The following NIPBL variants were observed in gnomAD, a reference collection of about 807,000 sequenced individuals.
NIPBL encodes NIPBL cohesin loading factor, also known as nipped-B-like protein.
In NIPBL, 19 loss-of-function variants were observed where a neutral mutation model predicts 321.8. The observed-to-expected ratio is 0.06, with a 90% confidence interval of 0.04 to 0.09. The LOEUF is 0.09. Among genes scored for constraint, NIPBL ranks in the 10% least tolerant of loss-of-function variants. The probability of loss-of-function intolerance (pLI) is 1.00; values close to 1 mark genes in which losing one functional copy is unlikely to be tolerated. For missense variants in NIPBL, 2,210 were observed against 3,327.0 expected (o/e 0.66, Z 8.26); for synonymous variants, 1,106 against 1,114.1 (o/e 0.99, Z 0.14).
Position 36,960,242 on chromosome 5 carries a change from G to A in NIPBL, c.359-1242G>A, listed in dbSNP as rs113551420. On this transcript the variant is annotated intron_variant, in intron 4 of 46. Coordinates refer to ENST00000282516, the MANE Select transcript of NIPBL (RefSeq NM_133433.4). Reference sequence around the variant, plus strand: ...AGGACTGTTAGAATTTCATTTACCCGTTTTATTTAGAAAGCCATTGCTTTC... The same window carrying A: ...AGGACTGTTAGAATTTCATTTACCCATTTTATTTAGAAAGCCATTGCTTTC... Among the ~76,000 whole-genome samples, 54 of 151,846 alleles carry A rather than the reference G, an allele frequency of 3.6e-4. 1 individual carries two copies. The highest frequency in any genetic ancestry group is 1.1e-3 in the African/African-American group (44 of 41,420).
chr5:37,038,702 A>C lies in NIPBL; in HGVS notation c.6072A>C (p.Ala2024=). Residue 2024 remains alanine, a synonymous_variant, in exon 34 of 47, where the codon GCA becomes GCC. Coordinates refer to ENST00000282516, the MANE Select transcript of NIPBL (RefSeq NM_133433.4). ...KIRPQLMVKH[A]MTMQPYLTTK... ...GACCCCAGCTCATGGTTAAACATGCAATGACTATGCAACCATACCTTACCA... is the reference window on the plus strand; with the variant it reads ...GACCCCAGCTCATGGTTAAACATGCCATGACTATGCAACCATACCTTACCA... The C allele has an allele frequency of 6.2e-7, 1 of 1,613,790 alleles. No individual in the cohort carries two copies. The highest frequency in any genetic ancestry group is 8.5e-7 in the Non-Finnish European group (1 of 1,179,882).
chr5:37,011,236 T>G (rs748185406), intron 21 of NIPBL, among the ~76,000 whole-genome samples: 4 of 152,184 alleles, frequency 2.6e-5, no homozygotes, highest in African/African-American at 4.8e-5. Flanking sequence ...TGTATCTTTT[T>G]GGGAATAATA....
Position 36,996,504 on chromosome 5 carries a change from A to G in NIPBL, c.3304+700A>G. On this transcript the variant is annotated intron_variant, in intron 11 of 46. Transcript: ENST00000282516. The surrounding 1 kb of genome is among the most constrained non-coding windows in gnomAD (Gnocchi z 5.0). ...TTCTTCACTACACAGCTACCTCTCT[A>G]CAACACTGTGATCACCTGTCTTTGC... 2.2e-6 allele frequency: 1 copy of G among 456,592 alleles called. No homozygotes were observed. Among genetic ancestry groups the G allele is most frequent in the Non-Finnish European group, 4.4e-6 (1 of 226,916 alleles). The allele number at this position is 456,592 out of a possible 1,614,324, so 28.3% of individuals were successfully genotyped here. A position where few individuals can be genotyped will look rare whatever the true frequency, so the allele number is the denominator to read the frequency against.
intron 7 of NIPBL, among the ~76,000 whole-genome samples, chr5:36,971,517 A>G (rs1742851548): frequency 6.6e-6 from 1 of 151,946 alleles, no homozygotes. Flanking sequence ...CTGAAATTTA[A>G]TATTGCCTTG....
chr5:36,929,868 C>T (rs1039012536), intron 1 of NIPBL, among the ~76,000 whole-genome samples: 1 of 151,946 alleles, frequency 6.6e-6, no homozygotes, highest in African/African-American at 2.4e-5. Flanking sequence ...TTGTGGGCAT[C>T]TTTGTGAAAA....
chr5:36,891,957 A>C (rs1230882911), intron 1 of NIPBL, among the ~76,000 whole-genome samples: 1 of 152,134 alleles, frequency 6.6e-6, no homozygotes, highest in Non-Finnish European at 1.5e-5. Context: ...CCCAAGTTTC[A>C]TGTGGGCATA....
intron 6 of NIPBL, among the ~76,000 whole-genome samples, chr5:36,964,934 C>T (rs1231449403): frequency 6.6e-6 from 1 of 152,132 alleles, no homozygotes; most frequent in African/African-American, 2.4e-5. Context: ...AAATGCCGAA[C>T]ATCACTCATC....
intron 9 of NIPBL, among the ~76,000 whole-genome samples, chr5:36,981,971 A>G (rs1744200683): frequency 6.6e-6 from 1 of 151,784 alleles, no homozygotes; most frequent in African/African-American, 2.4e-5. Context: ...ATACACAATT[A>G]TTGTGCTTTC....
At chr5:37,027,258 T>C (rs1750388633) in intron 31 of NIPBL, 101 bp from the exon 32 acceptor site, 7 of 924,806 alleles carry the variant, frequency 7.6e-6, no homozygotes, top group Non-Finnish European at 1.8e-6. Flanking sequence ...ACTTTTGAAT[T>C]GAGAAAATTG....
In NIPBL at chr5:36,955,612, C is replaced by G. The variant is rs776899302; in HGVS notation, c.205C>G (p.Leu69Val). The G allele has an allele frequency of 6.2e-7, 1 of 1,613,926 alleles. No individual in the cohort carries two copies. The highest frequency in any genetic ancestry group is 8.5e-7 in the Non-Finnish European group (1 of 1,179,922). The change falls in exon 3 of 47, where the codon CTC becomes GTC. Residue 69 changes from leucine (L) to valine (V), a missense_variant. Leu to Val is a conservative substitution (Grantham distance 32). Transcript: ENST00000282516. ...DNLVSQLVHS[L>V]NQVSTDHIEL... ...TTTGGTTTCACAGCTTGTCCATAGC[C>G]TCAACCAGGTATCAACAGATCACAT...
chr5:36,936,273 C>T (rs1341887471), intron 1 of NIPBL, among the ~76,000 whole-genome samples: 1 of 152,138 alleles, frequency 6.6e-6, no homozygotes, highest in African/African-American at 2.4e-5. Flanking sequence ...CACAGTCATG[C>T]ACCATATGAT....
chr5:37,042,357 C>A lies in NIPBL; in HGVS notation c.6109-1990C>A, dbSNP rs373593780. Among the ~76,000 whole-genome samples, 389 of 152,146 alleles carry A rather than the reference C, an allele frequency of 2.6e-3. 1 individual carries two copies. The highest frequency in any genetic ancestry group is 4.5e-3 in the Non-Finnish European group (307 of 68,010). ...GGCTAAAGCAGGAGAATCGCTTGAA[C>A]CTTGGAGGCGGAGGTTGCAGTGAGC... On this transcript the variant is annotated intron_variant, in intron 34 of 46. Coordinates refer to ENST00000282516, the MANE Select transcript of NIPBL (RefSeq NM_133433.4).
chr5:37,061,064 T>C (rs1317200165), intron 45 of NIPBL, 46 bp downstream of exon 45: 5 of 1,495,898 alleles, frequency 3.3e-6, no homozygotes, highest in Non-Finnish European at 2.8e-6. Context: ...AGGGCTTTTT[T>C]GACAAGTAAA....
chr5:36,899,893 T>G (rs1459407163), intron 1 of NIPBL, among the ~76,000 whole-genome samples: 1 of 152,200 alleles, frequency 6.6e-6, no homozygotes, highest in Non-Finnish European at 1.5e-5. Context: ...ATAATCACAT[T>G]ATTACTTCTT....
chr5:37,032,940 A>G (rs1322541496), intron 32 of NIPBL, among the ~76,000 whole-genome samples: 1 of 152,200 alleles, frequency 6.6e-6, no homozygotes, highest in East Asian at 1.9e-4. Flanking sequence ...TTTAAAAGAT[A>G]TTTTTTAAGT....
At chr5:36,882,688 T>G (rs1335013981) in intron 1 of NIPBL, among the ~76,000 whole-genome samples, 1 of 151,954 alleles carries the variant, frequency 6.6e-6, no homozygotes, top group African/African-American at 2.4e-5. Context: ...CCAGCTAAAA[T>G]GTATCTAATT....
chr5:37,000,692 C>G (rs1580437251), intron 12 of NIPBL, 122 bp downstream of exon 12: 1 of 1,295,122 alleles, frequency 7.7e-7, no homozygotes, highest in Admixed American at 1.9e-5. Context: ...GACAAAAATA[C>G]TTAGTTTCTA....
chr5:37,016,877 T>C, intron 23 of NIPBL, 142 bp from the exon 24 acceptor site: 1 of 579,248 alleles, frequency 1.7e-6, no homozygotes, highest in Admixed American at 3.6e-5. Flanking sequence ...AAGGCAAAAA[T>C]GACTTTATGG....
At chr5:37,037,573 C>T (rs866740456) in intron 33 of NIPBL, among the ~76,000 whole-genome samples, 4 of 150,434 alleles carry the variant, frequency 2.7e-5, no homozygotes, top group African/African-American at 7.3e-5. Context: ...CTCTAACAGC[C>T]GTCCATTTAT....
Sources: gnomAD v4.1 joint callset for allele counts (sites outside exome capture counted in the v4.1 genomes callset) on GRCh38, gnomAD v4.1.1 for gene constraint, Gnocchi (gnomAD v3.1) non-coding constraint, MANE v1.5 for transcripts, NCBI Gene and HGNC (gene_info 2026-07-23, HGNC 2026-07-21) for gene names.